Variants in CMSS1 observed in about 807,000 individuals in gnomAD.
CMSS1 encodes protein CMSS1.
Under a neutral mutation model 43.5 loss-of-function variants are expected in CMSS1, and 33 were observed. The observed-to-expected ratio is 0.76, with a 90% CI of 0.57 to 1.01. CMSS1 has a LOEUF of 1.01. Among genes scored for constraint, CMSS1 ranks in the 50% least tolerant of loss-of-function variants. CMSS1 has a pLI of 0.00. For synonymous variants in CMSS1, 115 were observed against 117.2 expected (o/e 0.98, Z 0.12); for missense variants, 313 against 326.4 (o/e 0.96, Z 0.32).
rs34655586 is a variant in CMSS1, at chr3:99,971,333, C to CAA, written c.64+153305_64+153306dup. ...CCAGCCTGGGTGACAGAGCCCATCT[C>CAA]AAAAAAAAAAAAAAAAGAGAATATG... On this transcript the variant is annotated intron_variant, in intron 1 of 9. Coordinates refer to ENST00000421999, the MANE Select transcript of CMSS1 (RefSeq NM_032359.4). 6.1e-3 allele frequency among the ~76,000 whole-genome samples: 745 copies of CAA among 121,336 alleles called. 6 individuals are homozygous for CAA. The highest frequency in any genetic ancestry group is 6.4e-3 in the Non-Finnish European group (372 of 57,788). 79.6% of individuals were successfully genotyped at this position (121,336 alleles called of 152,430 possible). A position where few individuals can be genotyped will look rare whatever the true frequency, so the allele number is the denominator to read the frequency against.
At chr3:100,157,636 G>A (rs1005854978) in intron 2 of CMSS1, among the ~76,000 whole-genome samples, 4 of 152,302 alleles carry the variant, frequency 2.6e-5, no homozygotes, top group African/African-American at 7.2e-5. Context: ...CCTGCAATAT[G>A]TAAGCATGGA....
intron 1 of CMSS1, among the ~76,000 whole-genome samples, chr3:99,831,827 AGGT>A (rs1942678151): frequency 6.6e-6 from 1 of 152,242 alleles, no homozygotes; most frequent in Admixed American, 6.5e-5. Flanking sequence ...TCTTCAACTC[AGGT>A]GGTTGGCCTA....
chr3:100,117,852 T>TATACAC (rs1232237863), intron 1 of CMSS1, among the ~76,000 whole-genome samples: 1 of 90,516 alleles, frequency 1.1e-5, no homozygotes, highest in African/African-American at 4.6e-5. Flanking sequence ...TATATATATA[T>TATACAC]ACATATATAT....
At chr3:99,957,390 T>C (rs1239691810) in intron 1 of CMSS1, among the ~76,000 whole-genome samples, 1 of 152,224 alleles carries the variant, frequency 6.6e-6, no homozygotes, top group African/African-American at 2.4e-5. Flanking sequence ...GTTGTTTTTT[T>C]CACAAATAGT....
chr3:99,861,926 T>C (rs540091209), intron 1 of CMSS1, among the ~76,000 whole-genome samples: 2 of 152,268 alleles, frequency 1.3e-5, no homozygotes, highest in Non-Finnish European at 2.9e-5. Context: ...ATCTGTAGAA[T>C]GGGGATAATA....
intron 1 of CMSS1, among the ~76,000 whole-genome samples, chr3:100,010,506 C>G (rs1710113254): frequency 6.6e-6 from 1 of 152,094 alleles, no homozygotes; most frequent in African/African-American, 2.4e-5. Context: ...GAGAATCCAA[C>G]TAAGAGCAGT....
chr3:99,932,996 A>G (rs1707535153), intron 1 of CMSS1, among the ~76,000 whole-genome samples: 1 of 152,212 alleles, frequency 6.6e-6, no homozygotes, highest in African/African-American at 2.4e-5. Context: ...TCCATGTATT[A>G]GCTCATTCAA....
At chr3:99,880,825 T>G (rs1196831968) in intron 1 of CMSS1, among the ~76,000 whole-genome samples, 1 of 152,210 alleles carries the variant, frequency 6.6e-6, no homozygotes, top group Non-Finnish European at 1.5e-5. Flanking sequence ...TCTTTTAGTC[T>G]TTTTCTAAGC....
chr3:99,950,855 AAGAGAG>A (rs1041622251), intron 1 of CMSS1, among the ~76,000 whole-genome samples: 1 of 150,098 alleles, frequency 6.7e-6, no homozygotes, highest in Non-Finnish European at 1.5e-5. Context: ...AGTAAAAATA[AAGAGAG>A]AGAGAGAGAA....
Position 100,027,578 on chromosome 3 carries a change from C to T in CMSS1, c.65-119395C>T, listed in dbSNP as rs114472879. 4.2e-3 allele frequency among the ~76,000 whole-genome samples: 645 copies of T among 152,276 alleles called. 4 individuals carry two copies. Among genetic ancestry groups the T allele is most frequent in the African/African-American group, 0.014 (599 of 41,558 alleles). On this transcript the variant is annotated intron_variant, in intron 1 of 9. Coordinates refer to ENST00000421999, the MANE Select transcript of CMSS1 (RefSeq NM_032359.4). ...CCCTTCCATTCCCACATGTACCCTC[C>T]TACTTCCACCCTGCTCAACTTCGAT...
intron 1 of CMSS1, among the ~76,000 whole-genome samples, chr3:100,046,571 G>T (rs1394144185): frequency 1.3e-5 from 2 of 152,062 alleles, no homozygotes; most frequent in Non-Finnish European, 2.9e-5. Flanking sequence ...ATTGGTTGTT[G>T]TTGATGTTTT....
chr3:100,028,208 A>T (rs1476201167), intron 1 of CMSS1, among the ~76,000 whole-genome samples: 6 of 152,320 alleles, frequency 3.9e-5, no homozygotes, highest in African/African-American at 1.4e-4. Flanking sequence ...TGATATCATT[A>T]TCCCAGTTTT....
chr3:99,904,681 C>T (rs1576561740), intron 1 of CMSS1, among the ~76,000 whole-genome samples: 1 of 151,932 alleles, frequency 6.6e-6, no homozygotes, highest in East Asian at 1.9e-4. Context: ...TAGATTCATG[C>T]TAATTTTACC....
intron 1 of CMSS1, among the ~76,000 whole-genome samples, chr3:99,870,532 T>C (rs1035745239): frequency 2.6e-5 from 4 of 152,220 alleles, no homozygotes; most frequent in African/African-American, 9.6e-5. Flanking sequence ...ATCTTAGTCC[T>C]TGTCATTAAT....
At chr3:99,998,407 T>G (rs1168664093) in intron 1 of CMSS1, among the ~76,000 whole-genome samples, 1 of 152,206 alleles carries the variant, frequency 6.6e-6, no homozygotes, top group Admixed American at 6.5e-5. Context: ...TACCAACACA[T>G]TCTTTGAGTG....
intron 1 of CMSS1, among the ~76,000 whole-genome samples, chr3:99,819,730 G>A (rs1942394304): frequency 6.7e-6 from 1 of 149,984 alleles, no homozygotes. Context: ...CTTTTTTAGG[G>A]TTTTACCAAC....
intron 6 of CMSS1, among the ~76,000 whole-genome samples, chr3:100,169,151 A>G (rs180840671): frequency 1.3e-5 from 2 of 152,330 alleles, no homozygotes; most frequent in African/African-American, 4.8e-5. Context: ...ATAAAGTTGG[A>G]TTCATATCTC....
At chr3:99,997,721 C>T (rs968387333) in intron 1 of CMSS1, among the ~76,000 whole-genome samples, 4 of 152,122 alleles carry the variant, frequency 2.6e-5, no homozygotes, top group African/African-American at 9.7e-5. Context: ...TAGTTTAAAA[C>T]TTTGTACACA....
chr3:100,048,972 T>C (rs2065324144), intron 1 of CMSS1, among the ~76,000 whole-genome samples: 1 of 152,206 alleles, frequency 6.6e-6, no homozygotes, highest in Non-Finnish European at 1.5e-5. Flanking sequence ...CACACAATTG[T>C]CTATTTTCAA....
Sources: gnomAD v4.1 joint callset for allele counts (sites outside exome capture counted in the v4.1 genomes callset) on GRCh38, gnomAD v4.1.1 for gene constraint, MANE v1.5 for transcripts, NCBI Gene and HGNC (gene_info 2026-07-23, HGNC 2026-07-21) for gene names.